PIP4K2A: variants seen among roughly 807,000 people sequenced by gnomAD.
PIP4K2A encodes the protein phosphatidylinositol 5-phosphate 4-kinase type-2 alpha.
PIP4K2A carries 14 observed loss-of-function variants against 42.9 expected under a neutral mutation model. That is an observed-to-expected ratio of 0.33 (90% CI 0.22 to 0.51). The LOEUF (loss-of-function observed/expected upper bound fraction) is 0.51. Among genes scored for constraint, PIP4K2A ranks in the 20% least tolerant of loss-of-function variants. The probability of loss-of-function intolerance (pLI) is 0.97; values close to 1 mark genes in which losing one functional copy is unlikely to be tolerated. For synonymous variants in PIP4K2A, 192 were observed against 192.2 expected (o/e 1.00, Z 0.01); for missense variants, 434 against 519.8 (o/e 0.83, Z 1.61).
intron 3 of PIP4K2A, among the ~76,000 whole-genome samples, chr10:22,597,568 G>A (rs967382274): frequency 1.3e-5 from 2 of 151,912 alleles, no homozygotes; most frequent in African/African-American, 2.4e-5. Flanking sequence ...AAGTTGAAAG[G>A]AGCAATCTTT....
chr10:22,655,213 A>G (rs1016623871), intron 1 of PIP4K2A, among the ~76,000 whole-genome samples: 3 of 152,262 alleles, frequency 2.0e-5, no homozygotes, highest in Admixed American at 6.5e-5. Flanking sequence ...ATTTGACTCA[A>G]TTGAAACACT....
In PIP4K2A at chr10:22,535,962, A is replaced by C. The variant is rs765468230; in HGVS notation, c.*1239T>G. Reference sequence around the variant, plus strand: ...ACTTTGACTAAAACACTCACGTAAAAACATGGCTGCAGGATACGTCTCAAA... The same window carrying C: ...ACTTTGACTAAAACACTCACGTAAACACATGGCTGCAGGATACGTCTCAAA... On this transcript the variant is annotated 3_prime_UTR_variant, in exon 10 of 10. Transcript: ENST00000376573. 1.5e-5 allele frequency: 6 copies of C among 395,448 alleles called. No homozygotes were observed. The highest frequency in any genetic ancestry group is 2.2e-5 in the Non-Finnish European group (5 of 224,460). The allele number at this position is 395,448 out of a possible 1,614,324, so 24.5% of individuals were successfully genotyped here.
chr10:22,676,802 G>A (rs73598591), intron 1 of PIP4K2A, among the ~76,000 whole-genome samples: 1 of 152,118 alleles, frequency 6.6e-6, no homozygotes, highest in Non-Finnish European at 1.5e-5. Flanking sequence ...CTTAGCAGAG[G>A]AGGAAGCCAA....
intron 1 of PIP4K2A, among the ~76,000 whole-genome samples, chr10:22,664,208 T>TATATATACATATATATATATAC (rs1564460343): frequency 1.6e-5 from 1 of 62,474 alleles, no homozygotes; most frequent in Non-Finnish European, 2.7e-5. Context: ...TATATACATA[T>TATATATACATATATATATATAC]ATATATATAC....
chr10:22,619,737 A>T (rs1296454353), intron 1 of PIP4K2A, among the ~76,000 whole-genome samples: 1 of 152,182 alleles, frequency 6.6e-6, no homozygotes, highest in East Asian at 1.9e-4. Flanking sequence ...ACGCCCAGCT[A>T]ATATTCATTT....
intron 6 of PIP4K2A, among the ~76,000 whole-genome samples, chr10:22,561,710 G>A (rs1554795062): frequency 6.6e-6 from 1 of 151,366 alleles, no homozygotes; most frequent in Non-Finnish European, 1.5e-5. Context: ...CCACAAGTGT[G>A]CACCACCATG....
chr10:22,628,119 A>G (rs1216054401), intron 1 of PIP4K2A, among the ~76,000 whole-genome samples: 2 of 149,288 alleles, frequency 1.3e-5, no homozygotes, highest in African/African-American at 5.1e-5. Context: ...TCAGAAACCC[A>G]AAAGCTACAA....
chr10:22,713,900 AC>A (rs1218625305), intron 1 of PIP4K2A: 2 of 247,778 alleles, frequency 8.1e-6, no homozygotes, highest in African/African-American at 4.5e-5. Context: ...GGGCGGGCGG[AC>A]CGGGGGCGGC....
At chr10:22,681,188 A>C (rs1419624599) in intron 1 of PIP4K2A, among the ~76,000 whole-genome samples, 1 of 151,932 alleles carries the variant, frequency 6.6e-6, no homozygotes. Context: ...TTTGGATTTC[A>C]CTCTTTTAAA....
chr10:22,660,535 A>G (rs1400710785), intron 1 of PIP4K2A, among the ~76,000 whole-genome samples: 1 of 152,192 alleles, frequency 6.6e-6, no homozygotes, highest in Admixed American at 6.5e-5. Context: ...AAAGGCAGGC[A>G]GGAAAGAAGA....
chr10:22,609,722 A>C lies in PIP4K2A; in HGVS notation c.145-5T>G, dbSNP rs760383886. 1.3e-6 allele frequency: 2 copies of C among 1,545,014 alleles called. No individual in the cohort carries two copies. Among genetic ancestry groups the C allele is most frequent in the African/African-American group, 2.7e-5 (2 of 73,534 alleles). On this transcript the variant is annotated splice_region_variant and splice_polypyrimidine_tract_variant and intron_variant, in intron 1 of 9. Coordinates refer to ENST00000376573, the MANE Select transcript of PIP4K2A (RefSeq NM_005028.5). ...AACATGGCTCAGTTCATTGATCTGG[A>C]AAAATATAAAATAAATAGCATGGGT...
chr10:22,646,660 C>T (rs555907840), intron 1 of PIP4K2A, among the ~76,000 whole-genome samples: 18 of 152,296 alleles, frequency 1.2e-4, no homozygotes, highest in Non-Finnish European at 2.4e-4. Context: ...ATACAACCTG[C>T]GTTTGTAACT....
chr10:22,650,147 G>A (rs1838962651), intron 1 of PIP4K2A, among the ~76,000 whole-genome samples: 1 of 152,216 alleles, frequency 6.6e-6, no homozygotes, highest in Non-Finnish European at 1.5e-5. Context: ...TGCCTTGTGG[G>A]CCACTCCCTT....
chr10:22,667,349 T>G (rs1839369404), intron 1 of PIP4K2A, among the ~76,000 whole-genome samples: 1 of 150,900 alleles, frequency 6.6e-6, no homozygotes, highest in South Asian at 2.1e-4. Flanking sequence ...ACAGAGCACG[T>G]TAAGTCTTGA....
intron 1 of PIP4K2A, among the ~76,000 whole-genome samples, chr10:22,626,918 T>C (rs1564448099): frequency 6.6e-6 from 1 of 152,212 alleles, no homozygotes; most frequent in Admixed American, 6.5e-5. Context: ...AATTAATATA[T>C]ATCTCCTACC....
chr10:22,624,810 T>C (rs1217990180), intron 1 of PIP4K2A, among the ~76,000 whole-genome samples: 1 of 152,224 alleles, frequency 6.6e-6, no homozygotes, highest in Non-Finnish European at 1.5e-5. Flanking sequence ...AAACAGATGT[T>C]TGAAAATATT....
chr10:22,592,394 A>G (rs945085390), intron 3 of PIP4K2A, among the ~76,000 whole-genome samples: 1 of 152,202 alleles, frequency 6.6e-6, no homozygotes, highest in African/African-American at 2.4e-5. Context: ...CTCAACTAGT[A>G]AAGTACTTAA....
At chr10:22,660,863 A>C (rs1839193250) in intron 1 of PIP4K2A, among the ~76,000 whole-genome samples, 1 of 152,204 alleles carries the variant, frequency 6.6e-6, no homozygotes, top group Non-Finnish European at 1.5e-5. Context: ...GATACCTGTC[A>C]TACATTTGTC....
At chr10:22,681,510 C>T (rs1391226575) in intron 1 of PIP4K2A, among the ~76,000 whole-genome samples, 1 of 151,918 alleles carries the variant, frequency 6.6e-6, no homozygotes, top group Non-Finnish European at 1.5e-5. Flanking sequence ...CTTGTCTCTT[C>T]AAAAAATTTT....
Sources: gnomAD v4.1 joint callset for allele counts (sites outside exome capture counted in the v4.1 genomes callset) on GRCh38, gnomAD v4.1.1 for gene constraint, MANE v1.5 for transcripts, NCBI Gene and HGNC (gene_info 2026-07-23, HGNC 2026-07-21) for gene names.